Variants in CD34 observed in about 807,000 individuals in gnomAD.
CD34 encodes the protein CD34 molecule.
Under a neutral mutation model 40.1 loss-of-function variants are expected in CD34, and 34 were observed. The ratio of observed to expected loss-of-function variants is 0.85; its 90% CI spans 0.65 to 1.13. The LOEUF (loss-of-function observed/expected upper bound fraction) is 1.13, where lower values mean the gene tolerates loss of function less well. Ranked by LOEUF, CD34 falls within the 50% of genes most tolerant of loss-of-function variation. The pLI is 0.00. For missense variants in CD34, 426 were observed against 466.9 expected (o/e 0.91, Z 0.81); for synonymous variants, 209 against 190.0 (o/e 1.10, Z -0.82).
chr1:207,894,619 T>C (rs573994752), intron 4 of CD34, among the ~76,000 whole-genome samples: 2 of 152,336 alleles, frequency 1.3e-5, no homozygotes, highest in African/African-American at 4.8e-5. Flanking sequence ...AAAGTAATCT[T>C]ACATTTTGGA....
chr1:207,897,618 A>G, intron 3 of CD34, 45 bp from the exon 4 acceptor site: 1 of 1,419,444 alleles, frequency 7.0e-7, no homozygotes, highest in Non-Finnish European at 9.7e-7. Context: ...TAAATAAGCC[A>G]GTATCTTTGC....
At chr1:207,901,181 T>G (rs1160811205) in intron 1 of CD34, among the ~76,000 whole-genome samples, 1 of 152,108 alleles carries the variant, frequency 6.6e-6, no homozygotes, top group Admixed American at 6.5e-5. Context: ...GTATCCTCAT[T>G]AGACACAGGA....
In CD34 at chr1:207,911,114, G is replaced by C. The variant is rs780684933; in HGVS notation, c.-34C>G. ...CGCGGCTCCTAGAGAGACGCACCGA[G>C]TGGAAGACACTACTCGGCTTGGCCA... On this transcript the variant is annotated 5_prime_UTR_variant, in exon 1 of 8. Transcript: ENST00000310833. The C allele has an allele frequency of 6.5e-7, 1 of 1,545,322 alleles. No individual in the cohort carries two copies. Among genetic ancestry groups the C allele is most frequent in the Admixed American group, 1.9e-5 (1 of 52,012 alleles).
At chr1:207,910,696 CA>C (rs60323637) in intron 1 of CD34, among the ~76,000 whole-genome samples, 21,421 of 152,122 alleles carry the variant, frequency 0.14, 2,537 homozygotes, top group African/African-American at 0.32. Flanking sequence ...GCGCCTCTGG[CA>C]ACCAGAAGAG....
At chr1:207,901,682 G>C (rs931430685) in intron 1 of CD34, among the ~76,000 whole-genome samples, 1 of 152,236 alleles carries the variant, frequency 6.6e-6, no homozygotes, top group Non-Finnish European at 1.5e-5. Context: ...TGTTTGTCAA[G>C]GTAAGAGGAT....
intron 3 of CD34, among the ~76,000 whole-genome samples, chr1:207,898,163 A>G (rs1338026637): frequency 6.6e-6 from 1 of 151,858 alleles, no homozygotes; most frequent in Non-Finnish European, 1.5e-5. Context: ...CTCTTGCCTC[A>G]GCCTCCTGGG....
At chr1:207,891,134 G>A (rs1036780601) in intron 4 of CD34, among the ~76,000 whole-genome samples, 3 of 152,126 alleles carry the variant, frequency 2.0e-5, no homozygotes, top group African/African-American at 7.2e-5. Context: ...TCCCAAGAGA[G>A]GCAGAGGGAC....
intron 1 of CD34, among the ~76,000 whole-genome samples, chr1:207,903,605 A>C (rs7522146): frequency 0.14 from 21,670 of 152,226 alleles, 2,616 homozygotes; most frequent in African/African-American, 0.32. Context: ...GGTCTCAAGA[A>C]ATTAGTAAAA....
intron 1 of CD34, among the ~76,000 whole-genome samples, chr1:207,904,893 G>A (rs1932819): frequency 0.15 from 22,744 of 152,164 alleles, 2,921 homozygotes; most frequent in African/African-American, 0.35. Context: ...GTGTGTTCCT[G>A]CCAGCTACCT....
intron 3 of CD34, among the ~76,000 whole-genome samples, chr1:207,898,187 AG>A (rs1469606983): frequency 1.3e-5 from 2 of 152,002 alleles, no homozygotes; most frequent in Non-Finnish European, 2.9e-5. Context: ...CTGGGACTAC[AG>A]GTGCATGACC....
intron 1 of CD34, among the ~76,000 whole-genome samples, chr1:207,906,844 CAAATAAATAAAT>C (rs10687613): frequency 6.7e-6 from 1 of 148,500 alleles, no homozygotes; most frequent in African/African-American, 2.5e-5. Flanking sequence ...AACTTCTTCT[CAAATAAATAAAT>C]AAATAAATAA....
intron 1 of CD34, among the ~76,000 whole-genome samples, chr1:207,904,705 C>T (rs1181438384): frequency 6.6e-6 from 1 of 152,186 alleles, no homozygotes; most frequent in African/African-American, 2.4e-5. Context: ...TTCTGTGACT[C>T]ATCTGCCACA....
intron 1 of CD34, among the ~76,000 whole-genome samples, chr1:207,908,283 GT>G (rs1662426743): frequency 6.6e-6 from 1 of 152,188 alleles, no homozygotes; most frequent in Non-Finnish European, 1.5e-5. Flanking sequence ...GCCCCTGTGT[GT>G]TTTATCAGCC....
intron 1 of CD34, among the ~76,000 whole-genome samples, chr1:207,907,847 T>C (rs1428762490): frequency 6.6e-6 from 1 of 152,198 alleles, no homozygotes. Context: ...AAATATGGAA[T>C]TCTCACAGCC....
intron 1 of CD34, among the ~76,000 whole-genome samples, chr1:207,908,670 G>A (rs1027078742): frequency 2.0e-5 from 3 of 152,112 alleles, no homozygotes; most frequent in Admixed American, 2.0e-4. Flanking sequence ...CTGACAAAGG[G>A]GTTCCCTAAT....
rs769556201 is a variant in CD34 at position 207,899,159 on chromosome 1, G to T, written c.330C>A (p.Val110=). 3 of 1,614,052 alleles carry T rather than the reference G, an allele frequency of 1.9e-6. No individual in the cohort carries two copies. The highest frequency in any genetic ancestry group is 2.5e-6 in the Non-Finnish European group (3 of 1,179,884). Reference sequence around the variant, plus strand: ...TGCTGATTACAGAGGTCTGTGACTGGACAGAAGAGTTTGTGTTTCCATAAA... The same window carrying T: ...TGCTGATTACAGAGGTCTGTGACTGTACAGAAGAGTTTGTGTTTCCATAAA... ...TSVYGNTNSS[V]QSQTSVISTV... is the part of the protein sequence containing the mutation. The change falls in exon 3 of 8, where the codon GTC becomes GTA. Residue 110 remains valine, a synonymous_variant. Coordinates refer to ENST00000310833, the MANE Select transcript of CD34 (RefSeq NM_001025109.2).
intron 7 of CD34, 68 bp downstream of exon 7, chr1:207,888,614 A>G (rs1413636627): frequency 6.8e-7 from 1 of 1,467,088 alleles, no homozygotes; most frequent in African/African-American, 1.4e-5. Flanking sequence ...CTGCTCCATG[A>G]CATCCACTGA....
intron 4 of CD34, among the ~76,000 whole-genome samples, chr1:207,895,544 C>A (rs1662134277): frequency 6.6e-6 from 1 of 152,216 alleles, no homozygotes; most frequent in Non-Finnish European, 1.5e-5. Context: ...CATGCAGAGA[C>A]CTTCTCAGCT....
At position 207,888,670 on chromosome 1, in the gene CD34, C is replaced by T. The variant is rs192909337; in HGVS notation, c.972+12G>A. 5.6e-5 allele frequency: 91 copies of T among 1,613,856 alleles called. No homozygotes were observed. In the African/African-American group the frequency reaches 1.0e-3, roughly 18 times the overall value. ...CTTCCTCATTTCCTTTACCCTGGCC[C>T]CCAGAACTGACCAGCCTTTCTCCTG... On this transcript the variant is annotated intron_variant, in intron 7 of 7. Coordinates refer to ENST00000310833, the MANE Select transcript of CD34 (RefSeq NM_001025109.2).
Sources: allele counts gnomAD v4.1 joint callset (sites outside exome capture counted in the v4.1 genomes callset), GRCh38; gene constraint gnomAD v4.1.1; transcripts MANE v1.5; gene names NCBI Gene and HGNC (gene_info 2026-07-23, HGNC 2026-07-21).